The following STARD13 variants were observed in gnomAD, a reference collection of about 807,000 sequenced individuals.
The protein encoded by STARD13 is stAR-related lipid transfer protein 13.
Under a neutral mutation model 106.4 loss-of-function variants are expected in STARD13, and 62 were observed. The ratio of observed to expected loss-of-function variants is 0.58; its 90% CI spans 0.48 to 0.72. The LOEUF (loss-of-function observed/expected upper bound fraction) is 0.72. STARD13 is among the 30% of genes least tolerant of loss of function. STARD13 has a pLI of 0.00. For missense variants in STARD13, 1,387 were observed against 1,424.0 expected, an observed-to-expected ratio of 0.97 and a Z score of 0.42; for synonymous variants, 565 against 553.0, an observed-to-expected ratio of 1.02 and a Z score of -0.31.
chr13:33,333,047 C>T (rs1212140204), intron 1 of STARD13, among the ~76,000 whole-genome samples: 1 of 151,994 alleles, frequency 6.6e-6, no homozygotes, highest in Admixed American at 6.6e-5. Context: ...TTTTAAGTGG[C>T]CAAAAGGGAC....
chr13:33,109,806 T>G, intron 12 of STARD13, 67 bp downstream of exon 12: 2 of 1,471,406 alleles, frequency 1.4e-6, no homozygotes, highest in Admixed American at 1.7e-5. Flanking sequence ...CCAGGAGAAG[T>G]GCTCACATCT....
At chr13:33,540,097 A>G in the STARD13 span, among the ~76,000 whole-genome samples, 4 of 152,236 alleles carry the variant, frequency 2.6e-5, no homozygotes, top group African/African-American at 4.8e-5. Flanking sequence ...CTTTTAAACT[A>G]TAGTAGTTCC....
In STARD13 at chr13:33,194,652, T is replaced by C. The variant is rs1886488453; in HGVS notation, c.170-27030A>G. On this transcript the variant is annotated intron_variant, in intron 1 of 13. Transcript: ENST00000336934. ...TTTCAATACTATAATGCTTTGCTTG[T>C]ATTGGGCAGAATATAAAACAAATTC... 2.6e-5 allele frequency among the ~76,000 whole-genome samples: 4 copies of C among 152,212 alleles called. No individual in the cohort carries two copies. The South Asian group carries it at 8.3e-4, about 32-fold the overall frequency.
chr13:33,280,342 A>G (rs1223400743), intron 1 of STARD13: 3 of 152,198 alleles, frequency 2.0e-5, no homozygotes, highest in Admixed American at 6.5e-5. Flanking sequence ...AGTTCAAATC[A>G]GGTGCCATAT....
At chr13:33,257,845 G>T (rs563492109) in intron 1 of STARD13, among the ~76,000 whole-genome samples, 1 of 152,182 alleles carries the variant, frequency 6.6e-6, no homozygotes, top group African/African-American at 2.4e-5. Flanking sequence ...GAACATTTCT[G>T]GGAATTTGCA....
chr13:33,596,688 A>G, the STARD13 span, among the ~76,000 whole-genome samples: 3 of 152,092 alleles, frequency 2.0e-5, no homozygotes, highest in Non-Finnish European at 4.4e-5. Flanking sequence ...ACCTCTCTTC[A>G]TTCCCTGACC....
At chr13:33,199,756 G>T (rs987505055) in intron 1 of STARD13, among the ~76,000 whole-genome samples, 31 of 152,170 alleles carry the variant, frequency 2.0e-4, no homozygotes, top group Admixed American at 2.0e-4. Flanking sequence ...TGTTACATAA[G>T]GGTTCTTTTC....
chr13:33,204,013 C>T (rs1330769524), intron 1 of STARD13, among the ~76,000 whole-genome samples: 2 of 152,134 alleles, frequency 1.3e-5, no homozygotes, highest in South Asian at 2.1e-4. Context: ...AATCATCTTC[C>T]TCAAGGTCAC....
the STARD13 span, among the ~76,000 whole-genome samples, chr13:33,561,660 C>T: frequency 8.3e-6 from 1 of 120,874 alleles, no homozygotes; most frequent in Non-Finnish European, 1.8e-5. Flanking sequence ...GTCTACTCTT[C>T]ATTTTAAATC....
chr13:33,444,427 C>T, the STARD13 span, among the ~76,000 whole-genome samples: 5 of 152,274 alleles, frequency 3.3e-5, no homozygotes, highest in East Asian at 3.9e-4. Context: ...TGGGTGGCTT[C>T]AGTTCCTTCT....
chr13:33,165,404 T>A lies in STARD13; in HGVS notation c.256A>T (p.Ile86Phe). The change falls in exon 3 of 14, where the codon ATC (isoleucine) becomes TTC (phenylalanine). Residue 86 changes from isoleucine to phenylalanine, a missense_variant. By Grantham distance (21) the Ile-to-Phe change is conservative. Transcript: ENST00000336934. ...TCATTCTTGACAGCCACAATGTTGA[T>A]GGGAAATTGTGAATCTGAGAGAGAA... ...AQLYEDSQFP[I>F]NIVAVKNDHD... is the part of the protein sequence containing the mutation. 6.2e-7 allele frequency: 1 copy of A among 1,613,446 alleles called. No homozygotes were observed. Among genetic ancestry groups the A allele is most frequent in the Admixed American group, 1.7e-5 (1 of 60,006 alleles).
chr13:33,446,586 AT>A, the STARD13 span, among the ~76,000 whole-genome samples: 1 of 152,310 alleles, frequency 6.6e-6, no homozygotes, highest in South Asian at 2.1e-4. Flanking sequence ...TAAGAGTAAA[AT>A]GAAAATCCAC....
At chr13:33,480,697 CAT>C in the STARD13 span, among the ~76,000 whole-genome samples, 1 of 152,136 alleles carries the variant, frequency 6.6e-6, no homozygotes, top group Non-Finnish European at 1.5e-5. Flanking sequence ...TTCTTACACA[CAT>C]GTACATTTCT....
At chr13:33,318,249 C>G (rs1306011624) in intron 1 of STARD13, among the ~76,000 whole-genome samples, 1 of 152,304 alleles carries the variant, frequency 6.6e-6, no homozygotes, top group Middle Eastern at 3.4e-3. Context: ...AATTGACTCA[C>G]TCATTCTGAC....
intron 1 of STARD13, among the ~76,000 whole-genome samples, chr13:33,302,826 G>A (rs1892770626): frequency 6.6e-6 from 1 of 152,130 alleles, no homozygotes; most frequent in South Asian, 2.1e-4. Flanking sequence ...ATAGCTCTCA[G>A]ATTAATCTCC....
At chr13:33,359,752 C>G in the STARD13 span, among the ~76,000 whole-genome samples, 1 of 152,098 alleles carries the variant, frequency 6.6e-6, no homozygotes, top group African/African-American at 2.4e-5. Flanking sequence ...CCAAAGTTGT[C>G]CCTTTAACTT....
intron 1 of STARD13, among the ~76,000 whole-genome samples, chr13:33,266,330 A>T (rs1341918241): frequency 6.6e-6 from 1 of 152,222 alleles, no homozygotes; most frequent in East Asian, 1.9e-4. Context: ...TACATGCTCA[A>T]CCACGATGAC....
the STARD13 span, among the ~76,000 whole-genome samples, chr13:33,601,757 C>T: frequency 1.3e-5 from 2 of 152,158 alleles, no homozygotes; most frequent in African/African-American, 2.4e-5. Flanking sequence ...CCTGGTCCTT[C>T]CTTTCACCAT....
intron 1 of STARD13, among the ~76,000 whole-genome samples, chr13:33,268,933 C>G (rs940549871): frequency 6.6e-6 from 1 of 152,124 alleles, no homozygotes; most frequent in African/African-American, 2.4e-5. Flanking sequence ...TTTGGAGGCA[C>G]GAGAAGTTAG....
Sources: allele counts gnomAD v4.1 joint callset (sites outside exome capture counted in the v4.1 genomes callset), GRCh38; gene constraint gnomAD v4.1.1; transcripts MANE v1.5; gene names NCBI Gene and HGNC (gene_info 2026-07-23, HGNC 2026-07-21).